Variants in GALNTL6 observed in about 807,000 individuals in gnomAD.
GALNTL6 encodes the protein polypeptide N-acetylgalactosaminyltransferase like 6.
Under a neutral mutation model 73.7 loss-of-function variants are expected in GALNTL6, and 46 were observed. That is an observed-to-expected ratio of 0.62 (90% CI 0.49 to 0.80). GALNTL6 has a LOEUF of 0.80. Ranked by LOEUF, GALNTL6 falls within the 30% of genes least tolerant of loss-of-function variation. The pLI is 0.00. For synonymous variants in GALNTL6, 259 were observed against 263.7 expected (o/e 0.98, Z 0.17); for missense variants, 604 against 755.0 (o/e 0.80, Z 2.34).
chr4:171,820,972 A>T (rs1280751325), intron 2 of GALNTL6, among the ~76,000 whole-genome samples: 2 of 152,316 alleles, frequency 1.3e-5, no homozygotes, highest in Admixed American at 1.3e-4. Flanking sequence ...TATATTAAAA[A>T]TGACCAAATT....
intron 2 of GALNTL6, among the ~76,000 whole-genome samples, chr4:171,919,793 C>G (rs1578972322): frequency 6.6e-6 from 1 of 152,144 alleles, no homozygotes; most frequent in South Asian, 2.1e-4. Context: ...TCCTTCTGCT[C>G]TCCTGTTTCC....
chr4:172,530,152 T>A (rs1206314809), intron 5 of GALNTL6, among the ~76,000 whole-genome samples: 1 of 152,122 alleles, frequency 6.6e-6, no homozygotes, highest in Admixed American at 6.6e-5. Context: ...AACTCGAAGC[T>A]ACCAACCTTT....
intron 2 of GALNTL6, among the ~76,000 whole-genome samples, chr4:171,964,444 A>C: frequency 6.6e-6 from 1 of 152,194 alleles, no homozygotes; most frequent in East Asian, 1.9e-4. Flanking sequence ...CCAAGGAATC[A>C]AAAGCTTTTT....
At chr4:172,119,504 G>A (rs1179673803) in intron 2 of GALNTL6, among the ~76,000 whole-genome samples, 1 of 152,088 alleles carries the variant, frequency 6.6e-6, no homozygotes, top group African/African-American at 2.4e-5. Flanking sequence ...ATATTTTACA[G>A]CTATTTTCTT....
At chr4:172,748,774 CAAAG>C (rs1002962282) in intron 5 of GALNTL6, among the ~76,000 whole-genome samples, 2 of 152,162 alleles carry the variant, frequency 1.3e-5, no homozygotes, top group African/African-American at 4.8e-5. Flanking sequence ...GTTCTCACCA[CAAAG>C]AAATGGTAGA....
intron 2 of GALNTL6, among the ~76,000 whole-genome samples, chr4:172,174,092 G>C (rs1308244721): frequency 6.6e-6 from 1 of 152,158 alleles, no homozygotes; most frequent in Non-Finnish European, 1.5e-5. Context: ...AAAATGGATT[G>C]AAAGTTTTTA....
At chr4:172,590,203 G>T (rs1017667) in intron 5 of GALNTL6, among the ~76,000 whole-genome samples, 79,540 of 151,976 alleles carry the variant, frequency 0.52, 21,652 homozygotes, top group East Asian at 0.79. Context: ...GTGTTGCTTT[G>T]TAATAAGGAG....
intron 5 of GALNTL6, among the ~76,000 whole-genome samples, chr4:172,568,712 T>A (rs1336081963): frequency 1.5e-5 from 2 of 131,218 alleles, no homozygotes; most frequent in African/African-American, 5.7e-5. Context: ...GAGCCGAGAT[T>A]GCGCCACTGC....
intron 5 of GALNTL6, among the ~76,000 whole-genome samples, chr4:172,590,579 C>T (rs752711137): frequency 1.1e-4 from 16 of 152,120 alleles, no homozygotes; most frequent in Non-Finnish European, 2.2e-4. Context: ...TTTAGATGAA[C>T]TCGCTTCAGA....
chr4:172,093,039 A>G (rs1304383684), intron 2 of GALNTL6, among the ~76,000 whole-genome samples: 1 of 151,666 alleles, frequency 6.6e-6, no homozygotes, highest in Admixed American at 6.6e-5. Context: ...ACGCCTGACT[A>G]ATTTTTTGTA....
At chr4:172,995,895 G>C (rs1465045915) in intron 10 of GALNTL6, among the ~76,000 whole-genome samples, 1 of 152,144 alleles carries the variant, frequency 6.6e-6, no homozygotes, top group African/African-American at 2.4e-5. Flanking sequence ...CTGGCTTTTG[G>C]TTATTTCCTC....
At chr4:172,600,601 G>C (rs889281319) in intron 5 of GALNTL6, among the ~76,000 whole-genome samples, 3 of 152,130 alleles carry the variant, frequency 2.0e-5, no homozygotes, top group Admixed American at 1.3e-4. Flanking sequence ...GTAAAACTAC[G>C]TAAGTCTAGG....
At chr4:171,878,301 T>G (rs1326724040) in intron 2 of GALNTL6, among the ~76,000 whole-genome samples, 4 of 152,296 alleles carry the variant, frequency 2.6e-5, no homozygotes, top group Non-Finnish European at 5.9e-5. Context: ...AATAGTAACT[T>G]TATAGACTTG....
At chr4:172,720,782 C>T (rs1247938022) in intron 5 of GALNTL6, among the ~76,000 whole-genome samples, 2 of 152,198 alleles carry the variant, frequency 1.3e-5, no homozygotes, top group Non-Finnish European at 2.9e-5. Context: ...TTACCTCTCA[C>T]TGTTAGCCAA....
intron 3 of GALNTL6, among the ~76,000 whole-genome samples, chr4:172,230,876 T>C (rs1464300881): frequency 6.6e-6 from 1 of 152,240 alleles, no homozygotes; most frequent in East Asian, 1.9e-4. Flanking sequence ...TGAGGTCCTC[T>C]TGTTCAACTA....
intron 3 of GALNTL6, among the ~76,000 whole-genome samples, chr4:172,263,923 G>A (rs1038991956): frequency 6.6e-6 from 1 of 151,406 alleles, no homozygotes; most frequent in Admixed American, 6.6e-5. Context: ...GATTGGTTGG[G>A]CTTTGTCTAT....
rs569643562 is a variant in GALNTL6, at chr4:172,080,375, G to T, written c.139-149281G>T. Among the ~76,000 whole-genome samples, 5 of 151,766 alleles carry T rather than the reference G, an allele frequency of 3.3e-5. 1 individual carries two copies. The Middle Eastern group carries it at 0.017, about 516-fold the overall frequency. On this transcript the variant is annotated intron_variant, in intron 2 of 12. Transcript: ENST00000506823. ...TTTAAAATTTTTTTGTTGAGACGAG[G>T]TGTCTGTATATTTCCCGGGTCCACA...
At chr4:172,320,214 C>T (rs1454853577) in intron 4 of GALNTL6, among the ~76,000 whole-genome samples, 2 of 152,142 alleles carry the variant, frequency 1.3e-5, no homozygotes, top group East Asian at 1.9e-4. Context: ...CCTTATTGTA[C>T]TTTGCCCAGT....
intron 2 of GALNTL6, among the ~76,000 whole-genome samples, chr4:171,946,947 A>T (rs1738720071): frequency 6.6e-6 from 1 of 152,086 alleles, no homozygotes; most frequent in Non-Finnish European, 1.5e-5. Flanking sequence ...TAAACAAGGA[A>T]GTGAAAATGT....
Sources: gnomAD v4.1 joint callset for allele counts (sites outside exome capture counted in the v4.1 genomes callset) on GRCh38, gnomAD v4.1.1 for gene constraint, MANE v1.5 for transcripts, NCBI Gene and HGNC (gene_info 2026-07-23, HGNC 2026-07-21) for gene names.